CIT: variants seen among roughly 807,000 people sequenced by gnomAD.
CIT encodes citron Rho-interacting kinase.
A neutral mutation model predicts 272.7 loss-of-function variants in CIT; 79 were observed. The observed-to-expected ratio is 0.29, with a 90% CI of 0.24 to 0.35. CIT has a LOEUF of 0.35. Among genes scored for constraint, CIT ranks in the 10% least tolerant of loss-of-function variants. The probability of loss-of-function intolerance (pLI) is 1.00; values close to 1 mark genes in which losing one functional copy is unlikely to be tolerated. For missense variants in CIT, 1,909 were observed against 2,618.3 expected, an observed-to-expected ratio of 0.73 and a Z score of 5.91; for synonymous variants, 948 against 995.6, an observed-to-expected ratio of 0.95 and a Z score of 0.90.
chr12:119,702,024 T>C, intron 41 of CIT, 66 bp from the exon 42 acceptor site: 1 of 1,182,768 alleles, frequency 8.5e-7, no homozygotes, highest in Non-Finnish European at 1.3e-6. Context: ...TCCACAGCTG[T>C]TCTGCTTCTG....
chr12:119,743,001 C>T (rs1959135972), intron 23 of CIT, among the ~76,000 whole-genome samples: 1 of 152,128 alleles, frequency 6.6e-6, no homozygotes, highest in Admixed American at 6.5e-5. Flanking sequence ...TCTACATCGG[C>T]CTTGAAATAA....
rs534339945 is a variant in CIT at position 119,867,361 on chromosome 12, G to C, written c.238+1699C>G. 5.9e-5 allele frequency among the ~76,000 whole-genome samples: 9 copies of C among 152,084 alleles called. 1 individual carries two copies. The East Asian group carries it at 1.5e-3, about 26-fold the overall frequency. On this transcript the variant is annotated intron_variant, in intron 3 of 47. Coordinates refer to ENST00000392521, the MANE Select transcript of CIT (RefSeq NM_001206999.2). ...CCGCTGCCACATTCAGCTAATTCTT[G>C]TATTTTTAGTAGAGACAAGGTTTCA...
At chr12:119,747,645 A>G (rs911943544) in intron 23 of CIT, among the ~76,000 whole-genome samples, 2 of 151,680 alleles carry the variant, frequency 1.3e-5, no homozygotes, top group African/African-American at 2.4e-5. Flanking sequence ...GCCTGAACCC[A>G]GGAGGTGGAA....
intron 40 of CIT, among the ~76,000 whole-genome samples, chr12:119,707,789 C>T (rs1453833286): frequency 6.6e-6 from 1 of 152,204 alleles, no homozygotes; most frequent in Non-Finnish European, 1.5e-5. Context: ...CATGAGCCAC[C>T]GCGCCCGGCC....
chr12:119,852,429 G>A (rs2138263665), intron 4 of CIT, among the ~76,000 whole-genome samples: 1 of 152,054 alleles, frequency 6.6e-6, no homozygotes. Flanking sequence ...AAGACATTAT[G>A]GGAGCCAGGT....
chr12:119,832,623 T>C, intron 7 of CIT, 148 bp downstream of exon 7: 1 of 585,482 alleles, frequency 1.7e-6, no homozygotes, highest in South Asian at 2.2e-5. Flanking sequence ...GTCTGGGAAA[T>C]GGTTCTGTGT....
At chr12:119,692,028 C>A (rs1227853736) in intron 46 of CIT, among the ~76,000 whole-genome samples, 1 of 152,120 alleles carries the variant, frequency 6.6e-6, no homozygotes, top group Non-Finnish European at 1.5e-5. Context: ...CAAAAATGAA[C>A]CAAGCATGAA....
chr12:119,840,056 C>A (rs1969302151), intron 5 of CIT, among the ~76,000 whole-genome samples: 1 of 152,188 alleles, frequency 6.6e-6, no homozygotes, highest in Non-Finnish European at 1.5e-5. Context: ...GTGGCTCATG[C>A]CAGGAATGCC....
chr12:119,710,322 T>G lies in CIT; in HGVS notation c.5000A>C (p.His1667Pro), dbSNP rs1368035869. ...GAAGACTGCTCCAATTCCTGGGACA[T>G]GGGTTAGGGAGTTTTTCAAGACATT... ...ALNVLKNSLTHVPGIGAVFQI... is the reference protein window; with the variant it reads ...ALNVLKNSLTPVPGIGAVFQI... The change falls in exon 39 of 48, where the codon CAT (histidine) becomes CCT (proline). Residue 1667 changes from histidine to proline, a missense_variant. This residue lies in a region of CIT where 780 missense variants were observed against 1,067.2 expected (regional missense o/e 0.73). Coordinates refer to ENST00000392521, the MANE Select transcript of CIT (RefSeq NM_001206999.2). The surrounding 1 kb of genome is among the most constrained non-coding windows in gnomAD (Gnocchi z 5.6). The G allele has an allele frequency of 1.2e-6, 2 of 1,614,142 alleles. No homozygotes were observed. Among genetic ancestry groups the G allele is most frequent in the Admixed American group, 1.7e-5 (1 of 60,022 alleles).
In CIT at chr12:119,835,097, A is replaced by G. The variant is rs188981390; in HGVS notation, c.517-869T>C. 4.6e-3 allele frequency among the ~76,000 whole-genome samples: 699 copies of G among 152,372 alleles called. 1 individual carries two copies. Among genetic ancestry groups the G allele is most frequent in the Admixed American group, 7.8e-3 (120 of 15,304 alleles). ...TGAAGAAGAATATGAAGCCTCAAGT[A>G]AAATGTTTGATTAGCAAAAAGAAAC... On this transcript the variant is annotated intron_variant, in intron 5 of 47. Transcript: ENST00000392521.
At chr12:119,778,459 A>T (rs1047622218) in intron 13 of CIT, among the ~76,000 whole-genome samples, 1 of 152,246 alleles carries the variant, frequency 6.6e-6, no homozygotes, top group Non-Finnish European at 1.5e-5. Context: ...GAATGTCTTT[A>T]AAAATCACAA....
At chr12:119,832,651 T>G (rs2138118781) in intron 7 of CIT, 120 bp downstream of exon 7, 1 of 779,908 alleles carries the variant, frequency 1.3e-6, no homozygotes, top group Admixed American at 2.1e-5. Flanking sequence ...CCCACCCCCA[T>G]ACACTGCCAA....
rs143640146 is a variant in CIT at position 119,818,164 on chromosome 12, C to T, written c.1111+4656G>A. Among the ~76,000 whole-genome samples the T allele has an allele frequency of 2.6e-4, 40 of 152,234 alleles. 1 individual carries two copies. The highest frequency in any genetic ancestry group is 5.4e-4 in the Non-Finnish European group (37 of 68,020). ...GACCTTGGCCAAGTTACCACAGTAACCACATCTGTAAAATGGGTATAATAA... is the reference window on the plus strand; with the variant it reads ...GACCTTGGCCAAGTTACCACAGTAATCACATCTGTAAAATGGGTATAATAA... On this transcript the variant is annotated intron_variant, in intron 9 of 47. Coordinates refer to ENST00000392521, the MANE Select transcript of CIT (RefSeq NM_001206999.2).
rs1172499549 is a variant in CIT at position 119,782,404 on chromosome 12, C to T, written c.1665+114G>A. On this transcript the variant is annotated intron_variant, in intron 13 of 47. Coordinates refer to ENST00000392521, the MANE Select transcript of CIT (RefSeq NM_001206999.2). ...ATACCTGTCTCTCTTCCACTCTGCC[C>T]CCACCCTTTCTCTCTCTCCCTTTCT... 4 of 1,243,052 alleles carry T rather than the reference C, an allele frequency of 3.2e-6. No homozygotes were observed. In the African/African-American group the frequency reaches 6.0e-5, roughly 19 times the overall value. The allele number at this position is 1,243,052 out of a possible 1,614,324, so 77.0% of individuals were successfully genotyped here.
chr12:119,721,420 C>T lies in CIT; in HGVS notation c.3621G>A (p.Leu1207=). ...EQAKLQQQMD[L]QKNHIFRLTQ... ...TCAGACGGAAAATGTGATTTTTCTG[C>T]AGGTCCATCTGCTGCTGTAATTTGG... Residue 1207 remains leucine, a synonymous_variant, in exon 29 of 48, where the codon CTG becomes CTA. Transcript: ENST00000392521. 6.2e-7 allele frequency: 1 copy of T among 1,610,022 alleles called. No homozygotes were observed. The highest frequency in any genetic ancestry group is 1.1e-5 in the South Asian group (1 of 90,740).
At chr12:119,742,309 C>G (rs186000501) in intron 24 of CIT, 102 bp downstream of exon 24, 5 of 777,184 alleles carry the variant, frequency 6.4e-6, no homozygotes, top group Non-Finnish European at 9.9e-6. Flanking sequence ...GCTGCAAGTT[C>G]GTATCAAAAC....
chr12:119,823,287 C>A (rs1967879655), intron 8 of CIT, among the ~76,000 whole-genome samples: 1 of 152,130 alleles, frequency 6.6e-6, no homozygotes, highest in Non-Finnish European at 1.5e-5. Flanking sequence ...ATTTAAAGAT[C>A]CCTGAACAAA....
rs759714854 is a variant in CIT, at chr12:119,803,440, C to T, written c.1112-51G>A. 3.0e-6 allele frequency: 4 copies of T among 1,318,328 alleles called. No homozygotes were observed. In the South Asian group the frequency reaches 5.6e-5, roughly 19 times the overall value. The allele number at this position is 1,318,328 out of a possible 1,614,324, so 81.7% of individuals were successfully genotyped here. Reference sequence around the variant, plus strand: ...GGCGGGGAGGAAAAAAAATTTCAGCCGGATTCAACACTGTTGCGGAGAAGA... The same window carrying T: ...GGCGGGGAGGAAAAAAAATTTCAGCTGGATTCAACACTGTTGCGGAGAAGA... On this transcript the variant is annotated intron_variant, in intron 9 of 47. Coordinates refer to ENST00000392521, the MANE Select transcript of CIT (RefSeq NM_001206999.2).
chr12:119,794,237 G>A (rs1423807796), intron 10 of CIT, among the ~76,000 whole-genome samples: 1 of 152,144 alleles, frequency 6.6e-6, no homozygotes, highest in Non-Finnish European at 1.5e-5. Flanking sequence ...GCTCAGAGTT[G>A]TGCCTTAAGG....
Sources: gnomAD v4.1 joint callset for allele counts (sites outside exome capture counted in the v4.1 genomes callset) on GRCh38, gnomAD v4.1.1 for gene constraint, gnomAD v4.1.1 regional missense constraint, Gnocchi (gnomAD v3.1) non-coding constraint, MANE v1.5 for transcripts, NCBI Gene and HGNC (gene_info 2026-07-23, HGNC 2026-07-21) for gene names.